The following CASZ1 variants were observed in gnomAD, a reference collection of about 807,000 sequenced individuals.
The protein encoded by CASZ1 is castor zinc finger 1.
CASZ1 carries 28 observed loss-of-function variants against 135.2 expected under a neutral mutation model. The observed-to-expected ratio is 0.21, with a 90% CI of 0.15 to 0.28. The LOEUF (loss-of-function observed/expected upper bound fraction) is 0.28. CASZ1 is among the 10% of genes least tolerant of loss of function. The pLI, the probability that CASZ1 is intolerant of heterozygous loss-of-function variation, is 1.00. For synonymous variants in CASZ1, 1,068 were observed against 1,073.4 expected (o/e 0.99, Z 0.10); for missense variants, 2,161 against 2,453.3 (o/e 0.88, Z 2.52).
At position 10,653,609 on chromosome 1, in the gene CASZ1, G is replaced by A; in HGVS notation, c.2448C>T (p.Gly816=). The A allele has an allele frequency of 6.4e-7, 1 of 1,553,366 alleles. No individual in the cohort carries two copies. Among genetic ancestry groups the A allele is most frequent in the Non-Finnish European group, 8.7e-7 (1 of 1,148,516 alleles). Residue 816 remains glycine, a synonymous_variant, in exon 11 of 21, where the codon GGC becomes GGT. Coordinates refer to ENST00000377022, the MANE Select transcript of CASZ1 (RefSeq NM_001079843.3). Reference sequence around the variant, plus strand: ...ACACGGCACCCAGGAGGCTGGGGGTGCCCACAGGCAGGGAGGTGCTCCCAC... The same window carrying A: ...ACACGGCACCCAGGAGGCTGGGGGTACCCACAGGCAGGGAGGTGCTCCCAC... The part of the protein sequence containing the change: ...AGRGSTSLPV[G]TPSLLGAVSS...
rs566103375 is a variant in CASZ1 at position 10,648,977 on chromosome 1, G to A, written c.3158+93C>T. ...GCCGGCTCAGCTTCTGTGGCCCAGC[G>A]GGAACTGCTGTACCAGCCTGAGCCC... On this transcript the variant is annotated intron_variant, in intron 15 of 20. Coordinates refer to ENST00000377022, the MANE Select transcript of CASZ1 (RefSeq NM_001079843.3). 23 of 1,508,976 alleles carry A rather than the reference G, an allele frequency of 1.5e-5. No individual in the cohort carries two copies. In the East Asian group the frequency reaches 4.0e-4, roughly 26 times the overall value. 93.5% of individuals were successfully genotyped at this position (1,508,976 alleles called of 1,614,324 possible).
chr1:10,795,041 G>C lies in CASZ1; in HGVS notation c.-234+1523C>G, dbSNP rs904461497. The stretch of plus-strand genomic sequence containing the variant: ...GCTTCGGAAAGAGAGAGAAAGAACA[G>C]AAAGCAAAACTTCCTGGCGGCCGAC... On this transcript the variant is annotated intron_variant, in intron 1 of 20. Transcript: ENST00000377022. Among the ~76,000 whole-genome samples, 21 of 152,250 alleles carry C rather than the reference G, an allele frequency of 1.4e-4. No individual in the cohort carries two copies. In the East Asian group the frequency reaches 4.1e-3, roughly 29 times the overall value.
chr1:10,753,599 C>A (rs1640188851), intron 2 of CASZ1, among the ~76,000 whole-genome samples: 1 of 152,136 alleles, frequency 6.6e-6, no homozygotes, highest in Non-Finnish European at 1.5e-5. Context: ...ATAAAGCAGG[C>A]CAGGGAGGCG....
In CASZ1 at chr1:10,643,227, G is replaced by A. The variant is rs1305964660; in HGVS notation, c.3953C>T (p.Thr1318Ile). ...CCGCATGTGCTTCCGCGCGTGGGAG[G>A]TCATCTGGTGCTTGAGGAGGAAGGA... is the stretch of plus-strand genomic sequence containing the variant. Reference protein sequence around the residue: ...QFSFLLKHQMTSHARKHMRRM... With the variant: ...QFSFLLKHQMISHARKHMRRM... Residue 1318 changes from threonine (T) to isoleucine (I), a missense_variant, in exon 19 of 21, where the codon ACC (threonine) becomes ATC (isoleucine). This residue lies in a region of CASZ1 where 349 missense variants were observed against 460.8 expected (regional missense o/e 0.76). Coordinates refer to ENST00000377022, the MANE Select transcript of CASZ1 (RefSeq NM_001079843.3). The A allele has an allele frequency of 1.2e-6, 2 of 1,612,842 alleles. No homozygotes were observed. Among genetic ancestry groups the A allele is most frequent in the Non-Finnish European group, 1.7e-6 (2 of 1,180,014 alleles).
intron 1 of CASZ1, among the ~76,000 whole-genome samples, chr1:10,772,339 C>T (rs1272935692): frequency 6.6e-6 from 1 of 152,222 alleles, no homozygotes; most frequent in Non-Finnish European, 1.5e-5. Flanking sequence ...TGGCCACATG[C>T]CCCCATTGGT....
chr1:10,728,967 C>G (rs1248252258), intron 2 of CASZ1, among the ~76,000 whole-genome samples: 1 of 152,158 alleles, frequency 6.6e-6, no homozygotes, highest in Non-Finnish European at 1.5e-5. Context: ...AACAAGAGGC[C>G]TTCCCCCCCC....
intron 4 of CASZ1, among the ~76,000 whole-genome samples, chr1:10,684,679 G>A (rs1277558132): frequency 6.6e-6 from 1 of 152,214 alleles, no homozygotes; most frequent in African/African-American, 2.4e-5. Context: ...CCTATCGCGA[G>A]ACACCACGAT....
At chr1:10,661,461 C>T (rs910915832) in intron 5 of CASZ1, 1 of 149,760 alleles carries the variant, frequency 6.7e-6, no homozygotes, top group Non-Finnish European at 1.5e-5. Flanking sequence ...CACACACATG[C>T]ATTCTCACAC....
At position 10,694,191 on chromosome 1, in the gene CASZ1, T is replaced by C. The variant is rs1341037618; in HGVS notation, c.-23-279A>G. The C allele has an allele frequency of 6.3e-6, 2 of 318,698 alleles. No homozygotes were observed. The highest frequency in any genetic ancestry group is 4.6e-5 in the African/African-American group (2 of 43,860). The allele number at this position is 318,698 out of a possible 1,614,324, so 19.7% of individuals were successfully genotyped here. A position where few individuals can be genotyped will look rare whatever the true frequency, so the allele number is the denominator to read the frequency against. On this transcript the variant is annotated intron_variant, in intron 3 of 20. Coordinates refer to ENST00000377022, the MANE Select transcript of CASZ1 (RefSeq NM_001079843.3). The surrounding 1 kb of genome is among the most constrained non-coding windows in gnomAD (Gnocchi z 6.6). The stretch of plus-strand genomic sequence containing the variant: ...CGGCTTGGGGGCCCTGGCCGGGGGA[T>C]CCGCGAGGCCCAGGGGCGCCCCCGT...
At chr1:10,651,180 C>T (rs1642569292) in intron 11 of CASZ1, 104 bp from the exon 12 acceptor site, 1 of 937,352 alleles carries the variant, frequency 1.1e-6, no homozygotes, top group South Asian at 2.4e-5. Context: ...CTGGGTGGGC[C>T]CCGGCTACTG....
intron 1 of CASZ1, among the ~76,000 whole-genome samples, chr1:10,780,611 A>T (rs1640745624): frequency 6.6e-6 from 1 of 152,230 alleles, no homozygotes; most frequent in Non-Finnish European, 1.5e-5. Context: ...CTAGACAGAA[A>T]TACACCAGAT....
rs1352182060 is a variant in CASZ1, at chr1:10,660,317, T to A, written c.725A>T (p.Tyr242Phe). The A allele has an allele frequency of 6.2e-7, 1 of 1,614,136 alleles. No homozygotes were observed. Among genetic ancestry groups the A allele is most frequent in the East Asian group, 2.2e-5 (1 of 44,874 alleles). ...CTCGCCAGCCTTGAGCTTGCGGATG[T>A]ACTCCTCATACTTAGAGAACCGCGC... ...KRARFSKYEE[Y>F]IRKLKAGEQL... is the part of the protein sequence containing the mutation. Residue 242 changes from tyrosine to phenylalanine, a missense_variant, in exon 6 of 21, where the codon TAC becomes TTC. Transcript: ENST00000377022.
rs758308884 is a variant in CASZ1 at position 10,660,594 on chromosome 1, C to T, written c.506-58G>A. ...GGAGGGAGTGGGAGGGACAGGAGGT[C>T]CCCCCACTGGGGGCCCCCACCCATA... On this transcript the variant is annotated intron_variant, in intron 5 of 20. Coordinates refer to ENST00000377022, the MANE Select transcript of CASZ1 (RefSeq NM_001079843.3). 62 of 1,494,130 alleles carry T rather than the reference C, an allele frequency of 4.1e-5. No individual in the cohort carries two copies. The African/African-American group carries it at 8.1e-4, about 20-fold the overall frequency. 92.6% of individuals were successfully genotyped at this position (1,494,130 alleles called of 1,614,324 possible).
intron 2 of CASZ1, among the ~76,000 whole-genome samples, chr1:10,728,970 C>T (rs1330378851): frequency 3.3e-5 from 5 of 151,234 alleles, no homozygotes; most frequent in Non-Finnish European, 5.9e-5. Flanking sequence ...AAGAGGCCTT[C>T]CCCCCCCACT....
At chr1:10,708,354 A>G (rs905205483) in intron 2 of CASZ1, among the ~76,000 whole-genome samples, 5 of 152,176 alleles carry the variant, frequency 3.3e-5, no homozygotes, top group African/African-American at 1.2e-4. Context: ...ACCCTGCCCT[A>G]AACTAAGGGC....
Position 10,649,352 on chromosome 1 carries a change from A to G in CASZ1, c.2966T>C (p.Phe989Ser). The change falls in exon 14 of 21, where the codon TTC (phenylalanine) becomes TCC (serine). Residue 989 changes from phenylalanine to serine, a missense_variant. Transcript: ENST00000377022. Reference protein sequence around the residue: ...EGSPAAEPSPFLGKAVKALVQ... With the variant: ...EGSPAAEPSPSLGKAVKALVQ... ...CAGCGCCTTCACGGCCTTGCCTAGG[A>G]AGGGCGAGGGCTCCGCAGCGGGGCT... 1 of 1,602,494 alleles carries G rather than the reference A, an allele frequency of 6.2e-7. No individual in the cohort carries two copies. The highest frequency in any genetic ancestry group is 8.5e-7 in the Non-Finnish European group (1 of 1,174,946).
chr1:10,641,918 C>T (rs1255949451), intron 20 of CASZ1, among the ~76,000 whole-genome samples: 1 of 152,134 alleles, frequency 6.6e-6, no homozygotes, highest in Non-Finnish European at 1.5e-5. Context: ...GCAGAGTGGC[C>T]CCGTCCTTGG....
rs747062976 is a variant in CASZ1, at chr1:10,654,127, C to T, written c.1930G>A (p.Gly644Ser). The change falls in exon 11 of 21, where the codon GGC (glycine) becomes AGC (serine). Residue 644 changes from glycine to serine, a missense_variant. By Grantham distance (56) the Gly-to-Ser change is moderately conservative. Coordinates refer to ENST00000377022, the MANE Select transcript of CASZ1 (RefSeq NM_001079843.3). Reference sequence around the variant, plus strand: ...TCGTACTTGTAGAACTTCTTGAAGCCGTCCTTGGCGTAGGCATCGTCCTTG... The same window carrying T: ...TCGTACTTGTAGAACTTCTTGAAGCTGTCCTTGGCGTAGGCATCGTCCTTG... ...HIKDDAYAKDGFKKFYKYEEC... is the reference protein window; with the variant it reads ...HIKDDAYAKDSFKKFYKYEEC... 2.5e-5 allele frequency: 41 copies of T among 1,614,106 alleles called. No homozygotes were observed. The highest frequency in any genetic ancestry group is 1.6e-4 in the Middle Eastern group (1 of 6,084).
chr1:10,699,632 A>C lies in CASZ1; in HGVS notation c.-23-5720T>G, dbSNP rs980205978. Among the ~76,000 whole-genome samples, 1 of 152,190 alleles carries C rather than the reference A, an allele frequency of 6.6e-6. No individual in the cohort carries two copies. The highest frequency in any genetic ancestry group is 1.5e-5 in the Non-Finnish European group (1 of 68,030). ...GGAGGCACCCGCAAACAAAACAAAA[A>C]CAAAAAAGTTAATTATCTTTGGCTT... On this transcript the variant is annotated intron_variant, in intron 3 of 20. Transcript: ENST00000377022. This position sits in a 1 kb window ranked among gnomAD's most constrained non-coding sequence, Gnocchi z 4.6.
Sources: gnomAD v4.1 joint callset for allele counts (sites outside exome capture counted in the v4.1 genomes callset) on GRCh38, gnomAD v4.1.1 for gene constraint, gnomAD v4.1.1 regional missense constraint, Gnocchi (gnomAD v3.1) non-coding constraint, MANE v1.5 for transcripts, NCBI Gene and HGNC (gene_info 2026-07-23, HGNC 2026-07-21) for gene names.